The following GALNT13 variants were observed in gnomAD, a reference collection of about 807,000 sequenced individuals.
GALNT13 encodes polypeptide N-acetylgalactosaminyltransferase 13.
In GALNT13, 28 loss-of-function variants were observed where a neutral mutation model predicts 64.2. The observed-to-expected ratio is 0.44, with a 90% confidence interval of 0.32 to 0.60. GALNT13 has a LOEUF of 0.60. Ranked by LOEUF, GALNT13 falls within the 20% of genes least tolerant of loss-of-function variation. The pLI is 0.05. For missense variants in GALNT13, 577 were observed against 669.8 expected, an observed-to-expected ratio of 0.86 and a Z score of 1.53; for synonymous variants, 214 against 224.6, an observed-to-expected ratio of 0.95 and a Z score of 0.42.
chr2:153,809,267 A>C, the GALNT13 span, among the ~76,000 whole-genome samples: 2 of 152,234 alleles, frequency 1.3e-5, no homozygotes, highest in East Asian at 3.9e-4. Context: ...TTTCTCCAAC[A>C]ATCAGCAAAA....
intron 9 of GALNT13, among the ~76,000 whole-genome samples, chr2:154,312,481 T>C (rs1189203101): frequency 6.6e-6 from 1 of 152,232 alleles, no homozygotes; most frequent in East Asian, 1.9e-4. Context: ...TATCTATTCA[T>C]AGATCTTCAT....
the GALNT13 span, among the ~76,000 whole-genome samples, chr2:153,388,333 G>A: frequency 6.6e-6 from 1 of 152,012 alleles, no homozygotes; most frequent in African/African-American, 2.4e-5. Context: ...AGGCTATGTG[G>A]TGTAGAAGAA....
intron 1 of GALNT13, among the ~76,000 whole-genome samples, chr2:153,896,190 T>C (rs1052073858): frequency 3.3e-5 from 5 of 150,320 alleles, no homozygotes; most frequent in African/African-American, 1.2e-4. Context: ...CTGATAACCT[T>C]TTGTCTTTTT....
the GALNT13 span, among the ~76,000 whole-genome samples, chr2:153,712,113 T>G: frequency 6.6e-6 from 1 of 152,188 alleles, no homozygotes; most frequent in Admixed American, 6.5e-5. Context: ...CTTTAGAAAC[T>G]TCAAGGGTAA....
intron 10 of GALNT13, among the ~76,000 whole-genome samples, chr2:154,404,094 C>T (rs1425581561): frequency 6.6e-6 from 1 of 152,122 alleles, no homozygotes; most frequent in African/African-American, 2.4e-5. Context: ...TTGCTATTCT[C>T]CCAGATTCTA....
intron 11 of GALNT13, among the ~76,000 whole-genome samples, chr2:154,420,395 T>C (rs1700199535): frequency 6.6e-6 from 1 of 152,108 alleles, no homozygotes. Context: ...GCAGAACTTA[T>C]TACTCCTGTG....
chr2:153,284,021 T>A, the GALNT13 span, among the ~76,000 whole-genome samples: 3 of 152,284 alleles, frequency 2.0e-5, no homozygotes, highest in East Asian at 5.8e-4. Flanking sequence ...CCTGCAGATC[T>A]GCCTGGGCGT....
intron 8 of GALNT13, among the ~76,000 whole-genome samples, chr2:154,289,850 A>G (rs892182969): frequency 1.3e-5 from 2 of 152,168 alleles, no homozygotes; most frequent in Admixed American, 6.5e-5. Context: ...AGTTTGTCCC[A>G]CTTATTCTGT....
the GALNT13 span, among the ~76,000 whole-genome samples, chr2:153,399,005 A>G: frequency 1.7e-5 from 2 of 118,180 alleles, no homozygotes; most frequent in African/African-American, 6.7e-5. Context: ...GCCCATGCCT[A>G]TGTCCTGAAT....
At chr2:153,917,335 C>A (rs1001482546) in intron 2 of GALNT13, among the ~76,000 whole-genome samples, 2 of 152,060 alleles carry the variant, frequency 1.3e-5, no homozygotes, top group African/African-American at 4.8e-5. Context: ...TTACTGCTAC[C>A]TATAGCGGTA....
At chr2:154,385,635 G>T (rs1273445470) in intron 9 of GALNT13, among the ~76,000 whole-genome samples, 1 of 151,942 alleles carries the variant, frequency 6.6e-6, no homozygotes, top group Admixed American at 6.6e-5. Flanking sequence ...GACTTAATGA[G>T]AATGTGTATC....
At chr2:153,820,316 G>A in the GALNT13 span, among the ~76,000 whole-genome samples, 3 of 152,082 alleles carry the variant, frequency 2.0e-5, no homozygotes, top group South Asian at 4.1e-4. Context: ...ATATCTGAGA[G>A]AATAATTCAA....
the GALNT13 span, among the ~76,000 whole-genome samples, chr2:153,583,747 G>A: frequency 1.3e-5 from 2 of 152,158 alleles, no homozygotes; most frequent in African/African-American, 4.8e-5. Context: ...CTTGATCCTA[G>A]CTCTTGAATA....
At chr2:153,625,965 T>A in the GALNT13 span, among the ~76,000 whole-genome samples, 1 of 152,136 alleles carries the variant, frequency 6.6e-6, no homozygotes, top group Admixed American at 6.6e-5. Context: ...ATTTTTCTTA[T>A]TAAATATTCA....
At chr2:154,021,214 T>G (rs1382381762) in intron 3 of GALNT13, among the ~76,000 whole-genome samples, 26 of 151,930 alleles carry the variant, frequency 1.7e-4, no homozygotes, top group African/African-American at 3.1e-4. Context: ...GAACTTTAAA[T>G]TAGTTTTTTC....
the GALNT13 span, among the ~76,000 whole-genome samples, chr2:153,215,702 G>T: frequency 6.6e-6 from 1 of 151,352 alleles, no homozygotes; most frequent in African/African-American, 2.4e-5. Context: ...CTGTTGGTGT[G>T]AATTTCTATG....
At chr2:153,248,510 C>T in the GALNT13 span, among the ~76,000 whole-genome samples, 3 of 42,910 alleles carry the variant, frequency 7.0e-5, no homozygotes, top group East Asian at 2.2e-4. Context: ...TAAAATTCAA[C>T]ATCCTTTATG....
the GALNT13 span, among the ~76,000 whole-genome samples, chr2:153,255,496 A>G: frequency 6.6e-6 from 1 of 150,692 alleles, no homozygotes; most frequent in African/African-American, 2.5e-5. Context: ...TTATGTGTGA[A>G]TTTGATCCTG....
the GALNT13 span, among the ~76,000 whole-genome samples, chr2:153,753,257 G>T: frequency 1.3e-5 from 2 of 152,096 alleles, no homozygotes; most frequent in Admixed American, 6.6e-5. Flanking sequence ...GCTGTATTTA[G>T]TTTATTTGGT....
Sources: allele counts gnomAD v4.1 joint callset (sites outside exome capture counted in the v4.1 genomes callset), GRCh38; gene constraint gnomAD v4.1.1; transcripts MANE v1.5; gene names NCBI Gene and HGNC (gene_info 2026-07-23, HGNC 2026-07-21).